The following RNF217 variants were observed in gnomAD, a reference collection of about 807,000 sequenced individuals.
The protein encoded by RNF217 is ring finger protein 217, also known as E3 ubiquitin-protein ligase RNF217.
A neutral mutation model predicts 57.8 loss-of-function variants in RNF217; 31 were observed. The observed-to-expected ratio is 0.54, with a 90% CI of 0.40 to 0.72. RNF217 has a LOEUF of 0.72. Among genes scored for constraint, RNF217 ranks in the 30% least tolerant of loss-of-function variants. The pLI is 0.00. For missense variants in RNF217, 696 were observed against 708.3 expected, an observed-to-expected ratio of 0.98 and a Z score of 0.20; for synonymous variants, 313 against 294.0, an observed-to-expected ratio of 1.06 and a Z score of -0.66.
intron 1 of RNF217, among the ~76,000 whole-genome samples, chr6:124,967,720 TATCCTATTATTA>T (rs1165757858): frequency 6.6e-6 from 1 of 152,168 alleles, no homozygotes; most frequent in Non-Finnish European, 1.5e-5. Context: ...AAAGCTTATA[TATCCTATTATTA>T]AATTATGAGT....
chr6:125,019,411 GT>G (rs1785737200), intron 1 of RNF217, among the ~76,000 whole-genome samples: 1 of 152,026 alleles, frequency 6.6e-6, no homozygotes, highest in African/African-American at 2.4e-5. Context: ...CTATCATACA[GT>G]TTTTTGTTAA....
At chr6:125,029,226 A>G (rs1272048254) in intron 1 of RNF217, among the ~76,000 whole-genome samples, 1 of 152,184 alleles carries the variant, frequency 6.6e-6, no homozygotes, top group Non-Finnish European at 1.5e-5. Context: ...AGAGACACTT[A>G]TACCCCTAGA....
chr6:124,997,229 T>C (rs1784789053), intron 1 of RNF217, among the ~76,000 whole-genome samples: 4 of 152,112 alleles, frequency 2.6e-5, no homozygotes, highest in African/African-American at 9.7e-5. Flanking sequence ...TATAGAAGAG[T>C]TCACGGCTCC....
At chr6:125,062,164 G>A (rs1787759011) in intron 3 of RNF217, among the ~76,000 whole-genome samples, 1 of 151,966 alleles carries the variant, frequency 6.6e-6, no homozygotes, top group South Asian at 2.1e-4. Flanking sequence ...TCTAAGCAAG[G>A]TTTGATAATC....
intron 1 of RNF217, 91 bp from the exon 2 acceptor site, chr6:125,045,120 C>A: frequency 1.3e-6 from 1 of 753,894 alleles, no homozygotes; most frequent in Non-Finnish European, 2.2e-6. Context: ...TTATTGCGGT[C>A]ATGAAATAAG....
chr6:125,049,643 CACACATATAAATTACTTAGCACCACATAT>C (rs59775061), intron 2 of RNF217, among the ~76,000 whole-genome samples: 10,953 of 151,828 alleles, frequency 0.072, 1,203 homozygotes, highest in African/African-American at 0.24. Context: ...TAAATGAAAT[CACACATATAAATTACTTAGCACCACATAT>C]GACACATACT....
chr6:125,041,148 C>G (rs1786865393), intron 1 of RNF217, among the ~76,000 whole-genome samples: 1 of 152,046 alleles, frequency 6.6e-6, no homozygotes, highest in African/African-American at 2.4e-5. Flanking sequence ...ATATATTGAT[C>G]TGTACATATA....
intron 1 of RNF217, among the ~76,000 whole-genome samples, chr6:125,027,623 A>G (rs1786160595): frequency 6.6e-6 from 1 of 152,142 alleles, no homozygotes; most frequent in South Asian, 2.1e-4. Context: ...ACAGAAGTGT[A>G]GAGATCTCTT....
At chr6:125,048,528 T>G (rs12664303) in intron 2 of RNF217, among the ~76,000 whole-genome samples, 1 of 151,890 alleles carries the variant, frequency 6.6e-6, no homozygotes, top group African/African-American at 2.4e-5. Context: ...TAATGTTTAT[T>G]TTAATGTTAT....
chr6:125,081,215 T>G (rs973443796), intron 4 of RNF217, among the ~76,000 whole-genome samples: 5 of 152,144 alleles, frequency 3.3e-5, no homozygotes, highest in Non-Finnish European at 7.4e-5. Context: ...AAGTGATTTA[T>G]GTTTGATGCA....
chr6:125,026,656 A>T (rs973396), intron 1 of RNF217, among the ~76,000 whole-genome samples: 130,519 of 152,038 alleles, frequency 0.86, 56,435 homozygotes, highest in East Asian at 1. Flanking sequence ...AGAAAAAAAA[A>T]AGGGAATCAC....
intron 4 of RNF217, among the ~76,000 whole-genome samples, chr6:125,077,424 A>C (rs1788419668): frequency 1.3e-5 from 2 of 152,292 alleles, no homozygotes; most frequent in South Asian, 4.1e-4. Flanking sequence ...ATACAAACCC[A>C]AGTTTAATTA....
At chr6:125,011,879 C>T (rs758824204) in intron 1 of RNF217, among the ~76,000 whole-genome samples, 27 of 152,072 alleles carry the variant, frequency 1.8e-4, no homozygotes, top group Non-Finnish European at 3.1e-4. Context: ...ACTGCCAGCC[C>T]TAGTTTTTGG....
At chr6:125,062,993 C>T (rs1038076756) in intron 3 of RNF217, among the ~76,000 whole-genome samples, 2 of 152,086 alleles carry the variant, frequency 1.3e-5, no homozygotes, top group Non-Finnish European at 2.9e-5. Context: ...TTTGAAATGT[C>T]TTCTTTAGTT....
At chr6:124,972,013 A>C (rs1582653653) in intron 1 of RNF217, among the ~76,000 whole-genome samples, 1 of 152,102 alleles carries the variant, frequency 6.6e-6, no homozygotes, top group Admixed American at 6.5e-5. Flanking sequence ...TCATATAGCC[A>C]TCTCTCTCCT....
intron 3 of RNF217, among the ~76,000 whole-genome samples, chr6:125,075,602 C>T (rs1788331582): frequency 6.6e-6 from 1 of 152,110 alleles, no homozygotes; most frequent in Non-Finnish European, 1.5e-5. Context: ...CTCCACTTGA[C>T]CCTGCCCTTG....
chr6:125,020,999 T>A (rs1316495158), intron 1 of RNF217, among the ~76,000 whole-genome samples: 2 of 152,172 alleles, frequency 1.3e-5, no homozygotes, highest in Admixed American at 1.3e-4. Flanking sequence ...GGAACGTAAA[T>A]AAACATGGCT....
In RNF217 at chr6:125,086,157, T is replaced by C. The variant is rs1788764017; in HGVS notation, c.*3220T>C. 6.6e-6 allele frequency: 1 copy of C among 152,026 alleles called. No individual in the cohort carries two copies. Among genetic ancestry groups the C allele is most frequent in the East Asian group, 1.9e-4 (1 of 5,190 alleles). The allele number at this position is 152,026 out of a possible 1,614,324, so 9.4% of individuals were successfully genotyped here. On this transcript the variant is annotated 3_prime_UTR_variant, in exon 6 of 6. Coordinates refer to ENST00000521654, the MANE Select transcript of RNF217 (RefSeq NM_001286398.3). ...AACATTTTAATGTAATTTCAGGAGA[T>C]GAGGTCATAGAGATAATATGAGACC... is the stretch of plus-strand genomic sequence containing the variant.
At position 124,963,405 on chromosome 6, in the gene RNF217, C is replaced by G. The variant is rs1230755544; in HGVS notation, c.861C>G (p.Leu287=). 8.1e-6 allele frequency: 12 copies of G among 1,480,640 alleles called. No homozygotes were observed. Among genetic ancestry groups the G allele is most frequent in the African/African-American group, 1.4e-5 (1 of 71,452 alleles). The allele number at this position is 1,480,640 out of a possible 1,614,324, so 91.7% of individuals were successfully genotyped here. ...AGAAGGCCGTGTGCGAGGAGTGCCTCAAAGTCTACCTGAGCGCCCAGGTAA... is the reference window on the plus strand; with the variant it reads ...AGAAGGCCGTGTGCGAGGAGTGCCTGAAAGTCTACCTGAGCGCCCAGGTAA... The part of the protein sequence containing the change: ...CCKKAVCEEC[L]KVYLSAQVQL... Residue 287 remains leucine, a synonymous_variant, in exon 1 of 6, where the codon CTC becomes CTG. Coordinates refer to ENST00000521654, the MANE Select transcript of RNF217 (RefSeq NM_001286398.3).
Sources: allele counts gnomAD v4.1 joint callset (sites outside exome capture counted in the v4.1 genomes callset), GRCh38; gene constraint gnomAD v4.1.1; transcripts MANE v1.5; gene names NCBI Gene and HGNC (gene_info 2026-07-23, HGNC 2026-07-21).